CCSER1: variants seen among roughly 807,000 people sequenced by gnomAD.
CCSER1 encodes serine-rich coiled-coil domain-containing protein 1.
Under a neutral mutation model 82.0 loss-of-function variants are expected in CCSER1, and 41 were observed. That is an observed-to-expected ratio of 0.50 (90% CI 0.39 to 0.65). The LOEUF (loss-of-function observed/expected upper bound fraction) is 0.65. Among genes scored for constraint, CCSER1 ranks in the 30% least tolerant of loss-of-function variants. The pLI, the probability that CCSER1 is intolerant of heterozygous loss-of-function variation, is 0.00. For missense variants in CCSER1, 1,119 were observed against 1,064.2 expected (o/e 1.05, Z -0.72); for synonymous variants, 414 against 383.9 (o/e 1.08, Z -0.92).
intron 1 of CCSER1, among the ~76,000 whole-genome samples, chr4:90,230,285 T>A (rs1250953090): frequency 1.3e-5 from 2 of 152,060 alleles, no homozygotes. Flanking sequence ...CAGACCACAG[T>A]GCAATCAAAC....
chr4:91,245,695 A>G (rs1373690359), intron 10 of CCSER1, among the ~76,000 whole-genome samples: 4 of 151,888 alleles, frequency 2.6e-5, no homozygotes, highest in Non-Finnish European at 5.9e-5. Flanking sequence ...GTATATATAT[A>G]TATTTTGTTT....
At chr4:91,463,219 G>A (rs1258808964) in intron 10 of CCSER1, among the ~76,000 whole-genome samples, 1 of 152,210 alleles carries the variant, frequency 6.6e-6, no homozygotes, top group African/African-American at 2.4e-5. Context: ...CTGTTCTGCA[G>A]CCTCCGCTGC....
chr4:91,503,968 C>G (rs540871873), intron 10 of CCSER1, among the ~76,000 whole-genome samples: 3 of 152,262 alleles, frequency 2.0e-5, no homozygotes, highest in Non-Finnish European at 4.4e-5. Context: ...GGATTTATCT[C>G]AGAGAGGATT....
intron 8 of CCSER1, among the ~76,000 whole-genome samples, chr4:90,907,349 A>G (rs891062870): frequency 7.2e-5 from 11 of 152,082 alleles, no homozygotes; most frequent in African/African-American, 2.4e-4. Context: ...GTATCTGTTT[A>G]CACCAGGATG....
chr4:91,490,968 A>T (rs1758509324), intron 10 of CCSER1, among the ~76,000 whole-genome samples: 1 of 130,728 alleles, frequency 7.6e-6, no homozygotes, highest in African/African-American at 2.9e-5. Context: ...ATTAAAAATT[A>T]AAAAAAATAA....
intron 9 of CCSER1, among the ~76,000 whole-genome samples, chr4:90,998,090 C>A (rs965890358): frequency 3.3e-5 from 5 of 151,576 alleles, no homozygotes; most frequent in African/African-American, 7.3e-5. Context: ...TTATTTATTT[C>A]TTTTTTTGAG....
intron 9 of CCSER1, among the ~76,000 whole-genome samples, chr4:91,003,900 G>T (rs940610804): frequency 4.6e-5 from 7 of 152,160 alleles, no homozygotes; most frequent in Non-Finnish European, 8.8e-5. Context: ...GGCTTTTCCT[G>T]CTTCTTCCTC....
rs774845976 is a variant in CCSER1 at position 90,723,989 on chromosome 4, A to C, written c.2008A>C (p.Lys670Gln). The C allele has an allele frequency of 7.1e-6, 11 of 1,549,070 alleles. No individual in the cohort carries two copies. Among genetic ancestry groups the C allele is most frequent in the Non-Finnish European group, 9.7e-6 (11 of 1,139,560 alleles). Reference protein sequence around the residue: ...SPLTEEPVPFKDIMKDECSML... With the variant: ...SPLTEEPVPFQDIMKDECSML... ...TCTTACTGAAGAGCCAGTGCCTTTCAAGGTAAAAAACAAACAAGAAAGCAT... is the reference window on the plus strand; with the variant it reads ...TCTTACTGAAGAGCCAGTGCCTTTCCAGGTAAAAAACAAACAAGAAAGCAT... The change falls in exon 7 of 11, where the codon AAG becomes CAG. Residue 670 changes from lysine to glutamine, a missense_variant and splice_region_variant. By Grantham distance (53) the Lys-to-Gln change is moderately conservative. Transcript: ENST00000509176.
intron 5 of CCSER1, among the ~76,000 whole-genome samples, chr4:90,618,746 T>C (rs1047824859): frequency 6.6e-6 from 1 of 151,978 alleles, no homozygotes; most frequent in African/African-American, 2.4e-5. Flanking sequence ...ATGATGATTC[T>C]CATCTTATTC....
rs144465761 is a variant in CCSER1 at position 91,535,942 on chromosome 4, T to C, written c.2218-62630T>C. 2.7e-3 allele frequency among the ~76,000 whole-genome samples: 405 copies of C among 152,230 alleles called. 1 individual carries two copies. The highest frequency in any genetic ancestry group is 9.3e-3 in the African/African-American group (386 of 41,570). ...CCTCCTTAACCTTGGCCTTTCCCTT[T>C]TGTCCTCTCTTCTCTTTATCCCTTC... is the stretch of plus-strand genomic sequence containing the variant. On this transcript the variant is annotated intron_variant, in intron 10 of 10. Transcript: ENST00000509176.
At chr4:91,446,672 A>AGTAT (rs1553938715) in intron 10 of CCSER1, among the ~76,000 whole-genome samples, 1 of 72,544 alleles carries the variant, frequency 1.4e-5, no homozygotes, top group Non-Finnish European at 2.5e-5. Context: ...ATTTTAAATA[A>AGTAT]ATAAATATAT....
intron 10 of CCSER1, among the ~76,000 whole-genome samples, chr4:91,112,409 C>A (rs989156543): frequency 6.6e-6 from 1 of 151,838 alleles, no homozygotes; most frequent in Admixed American, 6.6e-5. Context: ...TATTTATTTA[C>A]TTGTTGGATA....
intron 8 of CCSER1, among the ~76,000 whole-genome samples, chr4:90,819,174 G>A (rs1324580992): frequency 1.3e-5 from 2 of 151,952 alleles, no homozygotes; most frequent in East Asian, 3.9e-4. Context: ...AGAGAGAAGA[G>A]GGAGAAAGAG....
chr4:90,705,682 CT>C (rs1739194266), intron 6 of CCSER1, among the ~76,000 whole-genome samples: 1 of 152,272 alleles, frequency 6.6e-6, no homozygotes, highest in South Asian at 2.1e-4. Context: ...GTGGGCGCCC[CT>C]CCCCCAGTCT....
intron 5 of CCSER1, among the ~76,000 whole-genome samples, chr4:90,528,293 T>C (rs1176918805): frequency 1.3e-5 from 2 of 152,184 alleles, no homozygotes; most frequent in Admixed American, 6.5e-5. Context: ...TTTTCGGTAT[T>C]GACTTTTTGA....
At chr4:91,152,185 T>A (rs1029464614) in intron 10 of CCSER1, among the ~76,000 whole-genome samples, 1 of 152,226 alleles carries the variant, frequency 6.6e-6, no homozygotes, top group African/African-American at 2.4e-5. Context: ...ATATTTAGGA[T>A]AGTTAGCTCT....
intron 10 of CCSER1, among the ~76,000 whole-genome samples, chr4:91,457,451 A>G (rs1005192774): frequency 3.3e-5 from 5 of 152,070 alleles, no homozygotes; most frequent in African/African-American, 9.7e-5. Flanking sequence ...AGATCACTTG[A>G]GCCAGGAATT....
intron 10 of CCSER1, among the ~76,000 whole-genome samples, chr4:91,413,531 A>T (rs913365275): frequency 1.3e-5 from 2 of 151,990 alleles, no homozygotes; most frequent in African/African-American, 4.8e-5. Flanking sequence ...GAATGAAAAA[A>T]ATTAAAACAA....
intron 10 of CCSER1, among the ~76,000 whole-genome samples, chr4:91,449,314 A>T (rs1346857315): frequency 6.6e-6 from 1 of 152,020 alleles, no homozygotes; most frequent in Non-Finnish European, 1.5e-5. Context: ...TTGAGTAAAA[A>T]AAATGAGAAA....
Sources: allele counts gnomAD v4.1 joint callset (sites outside exome capture counted in the v4.1 genomes callset), GRCh38; gene constraint gnomAD v4.1.1; transcripts MANE v1.5; gene names NCBI Gene and HGNC (gene_info 2026-07-23, HGNC 2026-07-21).